Variants in GGH observed in about 807,000 individuals in gnomAD.
The protein encoded by GGH is gamma-Glu-X carboxypeptidase.
GGH carries 18 observed loss-of-function variants against 39.2 expected under a neutral mutation model. That is an observed-to-expected ratio of 0.46 (90% CI 0.32 to 0.68). The LOEUF (loss-of-function observed/expected upper bound fraction) is 0.68. Among genes scored for constraint, GGH ranks in the 30% least tolerant of loss-of-function variants. The pLI, the probability that GGH is intolerant of heterozygous loss-of-function variation, is 0.04. For synonymous variants in GGH, 147 were observed against 138.8 expected (o/e 1.06, Z -0.42); for missense variants, 367 against 384.1 (o/e 0.96, Z 0.37).
intron 7 of GGH, among the ~76,000 whole-genome samples, chr8:63,021,156 A>T (rs1804578252): frequency 6.6e-6 from 1 of 152,194 alleles, no homozygotes. Context: ...AACATACAGC[A>T]TGTATTCCCT....
intron 4 of GGH, 54 bp downstream of exon 4, chr8:63,027,127 G>C: frequency 1.2e-6 from 1 of 852,826 alleles, no homozygotes; most frequent in Non-Finnish European, 2.0e-6. Context: ...TGAACCACTC[G>C]CACAAAAACT....
intron 4 of GGH, 88 bp downstream of exon 4, chr8:63,027,093 G>A: frequency 1.3e-6 from 1 of 768,142 alleles, no homozygotes; most frequent in Non-Finnish European, 2.4e-6. Flanking sequence ...ATTTTGAAGG[G>A]AGCATTACCA....
At chr8:63,021,104 ATTGT>A (rs773617544) in intron 7 of GGH, among the ~76,000 whole-genome samples, 9 of 152,182 alleles carry the variant, frequency 5.9e-5, no homozygotes, top group Non-Finnish European at 1.2e-4. Flanking sequence ...ACCACCGAAC[ATTGT>A]TTCTTTTTTG....
chr8:63,020,034 A>C (rs1804559409), intron 7 of GGH, among the ~76,000 whole-genome samples: 1 of 152,248 alleles, frequency 6.6e-6, no homozygotes, highest in African/African-American at 2.4e-5. Flanking sequence ...ATTTTGAGAA[A>C]TAAAGTTTAC....
In GGH at chr8:63,020,516, A is replaced by G. The variant is rs1338995981; in HGVS notation, c.698-2886T>C. 3.3e-5 allele frequency among the ~76,000 whole-genome samples: 5 copies of G among 152,236 alleles called. No homozygotes were observed. In the East Asian group the frequency reaches 9.6e-4, roughly 29 times the overall value. ...CATGCATTAAGAAACGTTCCCACAC[A>G]GCACAAAGCACCAAGGTTGTGGAGA... On this transcript the variant is annotated intron_variant, in intron 7 of 8. Transcript: ENST00000260118.
chr8:63,024,347 C>T (rs1804647561), intron 5 of GGH, 161 bp from the exon 6 acceptor site: 2 of 528,646 alleles, frequency 3.8e-6, no homozygotes, highest in Non-Finnish European at 6.7e-6. Context: ...CCAATCAAGT[C>T]ACAAAATGTG....
chr8:63,031,149 T>C (rs1225924426), intron 2 of GGH, among the ~76,000 whole-genome samples: 1 of 152,180 alleles, frequency 6.6e-6, no homozygotes. Context: ...CAAAGAAGTT[T>C]TAGGGGGAGG....
At position 63,017,503 on chromosome 8, in the gene GGH, A is replaced by G. The variant is rs745551054; in HGVS notation, c.825T>C (p.Phe275=). Residue 275 remains phenylalanine (F), a synonymous_variant, in exon 8 of 9, where the codon TTT becomes TTC. Transcript: ENST00000260118. Reference sequence around the variant, plus strand: ...GTACCCTCATATTACCTTCATTAACAAAAAACTCTGCTAAATAAAATGCGG... The same window carrying G: ...GTACCCTCATATTACCTTCATTAACGAAAAACTCTGCTAAATAAAATGCGG... The part of the protein sequence containing the change: ...VKTAFYLAEF[F]VNEARKNNHH... 22 of 1,608,818 alleles carry G rather than the reference A, an allele frequency of 1.4e-5. No individual in the cohort carries two copies. The highest frequency in any genetic ancestry group is 1.7e-5 in the Non-Finnish European group (20 of 1,178,006).
chr8:63,019,136 TCAG>T (rs1168944031), intron 7 of GGH, among the ~76,000 whole-genome samples: 1 of 152,188 alleles, frequency 6.6e-6, no homozygotes, highest in African/African-American at 2.4e-5. Context: ...CCCAAAGAAA[TCAG>T]CAGTTTACAA....
At chr8:63,036,672 G>A (rs1403331052) in intron 1 of GGH, among the ~76,000 whole-genome samples, 1 of 152,182 alleles carries the variant, frequency 6.6e-6, no homozygotes, top group Non-Finnish European at 1.5e-5. Flanking sequence ...CTTCAGAGAG[G>A]TGACAGAGTA....
intron 7 of GGH, among the ~76,000 whole-genome samples, chr8:63,020,757 G>A (rs148149934): frequency 1.3e-5 from 2 of 152,248 alleles, no homozygotes; most frequent in Admixed American, 1.3e-4. Context: ...AGAGGTGAAG[G>A]CAGGGAGAGG....
At chr8:63,037,708 T>G (rs1804937235) in intron 1 of GGH, among the ~76,000 whole-genome samples, 1 of 152,184 alleles carries the variant, frequency 6.6e-6, no homozygotes, top group South Asian at 2.1e-4. Context: ...CCTCTGCTTT[T>G]TTTTCTCTTC....
Position 63,037,846 on chromosome 8 carries a change from G to A in GGH, c.109+814C>T, listed in dbSNP as rs115588447. 5.3e-3 allele frequency among the ~76,000 whole-genome samples: 801 copies of A among 152,160 alleles called. 9 individuals carry two copies. Among genetic ancestry groups the A allele is most frequent in the African/African-American group, 0.019 (778 of 41,506 alleles). Reference sequence around the variant, plus strand: ...TTAGTAAGCAACCCATTTGAAAACTGGGCACTACCTATATGAAAAAACATT... The same window carrying A: ...TTAGTAAGCAACCCATTTGAAAACTAGGCACTACCTATATGAAAAAACATT... On this transcript the variant is annotated intron_variant, in intron 1 of 8. Coordinates refer to ENST00000260118, the MANE Select transcript of GGH (RefSeq NM_003878.3).
At chr8:63,033,474 G>A (rs1804842562) in intron 2 of GGH, among the ~76,000 whole-genome samples, 1 of 152,170 alleles carries the variant, frequency 6.6e-6, no homozygotes, top group African/African-American at 2.4e-5. Context: ...AGTCTTGGTA[G>A]ACTGTGTGTT....
chr8:63,017,683 TATA>T (rs1438396808), intron 7 of GGH, 53 bp from the exon 8 acceptor site: 1 of 1,096,394 alleles, frequency 9.1e-7, no homozygotes, highest in Admixed American at 2.5e-5. Context: ...AAATGTTACT[TATA>T]ATGAAATTGG....
At position 63,017,510 on chromosome 8, in the gene GGH, T is replaced by C; in HGVS notation, c.818A>G (p.Glu273Gly). ...CATATTACCTTCATTAACAAAAAAC[T>C]CTGCTAAATAAAATGCGGTTTTCAC... is the stretch of plus-strand genomic sequence containing the variant. Reference protein sequence around the residue: ...NAVKTAFYLAEFFVNEARKNN... With the variant: ...NAVKTAFYLAGFFVNEARKNN... The change falls in exon 8 of 9, where the codon GAG (glutamate) becomes GGG (glycine). Residue 273 changes from glutamate (E) to glycine (G), a missense_variant. Transcript: ENST00000260118. 6.2e-7 allele frequency: 1 copy of C among 1,610,076 alleles called. No individual in the cohort carries two copies.
Position 63,017,549 on chromosome 8 carries a change from T to G in GGH, c.779A>C (p.His260Pro). Residue 260 changes from histidine (H) to proline (P), a missense_variant, in exon 8 of 9, where the codon CAT (histidine) becomes CCT (proline). His to Pro is a moderately conservative substitution (Grantham distance 77). Coordinates refer to ENST00000260118, the MANE Select transcript of GGH (RefSeq NM_003878.3). Reference protein sequence around the residue: ...YEWKNLDGISHAPNAVKTAFY... With the variant: ...YEWKNLDGISPAPNAVKTAFY... ...TGCGGTTTTCACAGCATTAGGTGCA[T>G]GGGAAATGCCATCCAAATTCTTCCA... The G allele has an allele frequency of 6.2e-7, 1 of 1,611,456 alleles. No homozygotes were observed. Among genetic ancestry groups the G allele is most frequent in the Non-Finnish European group, 8.5e-7 (1 of 1,177,674 alleles).
chr8:63,035,513 C>T (rs962646585), intron 2 of GGH, 143 bp downstream of exon 2: 8 of 1,199,154 alleles, frequency 6.7e-6, no homozygotes, highest in Non-Finnish European at 8.9e-6. Context: ...ACCAGGTTGG[C>T]CTGGCTGGTC....
chr8:63,024,270 G>A (rs1457455127), intron 5 of GGH, 84 bp from the exon 6 acceptor site: 6 of 735,170 alleles, frequency 8.2e-6, no homozygotes, highest in African/African-American at 3.5e-5. Flanking sequence ...CCAAAGAGAA[G>A]CCATTATGAA....
Sources: allele counts gnomAD v4.1 joint callset (sites outside exome capture counted in the v4.1 genomes callset), GRCh38; gene constraint gnomAD v4.1.1; transcripts MANE v1.5; gene names NCBI Gene and HGNC (gene_info 2026-07-23, HGNC 2026-07-21).